USF2: variants seen among roughly 807,000 people sequenced by gnomAD.
USF2 encodes the protein upstream stimulatory factor 2.
In USF2, 16 loss-of-function variants were observed where a neutral mutation model predicts 46.9. That is an observed-to-expected ratio of 0.34 (90% confidence interval 0.23 to 0.52). The LOEUF (loss-of-function observed/expected upper bound fraction) is 0.52. Ranked by LOEUF, USF2 falls within the 20% of genes least tolerant of loss-of-function variation. USF2 has a pLI of 0.96. For synonymous variants in USF2, 239 were observed against 194.1 expected (o/e 1.23, Z -1.92); for missense variants, 411 against 474.0 (o/e 0.87, Z 1.23).
Position 35,269,944 on chromosome 19 carries a change from C to A in USF2, c.370C>A (p.Gln124Lys). ...VTQVGVDGAA[Q>K]RPGPAAASVP... is the part of the protein sequence containing the mutation. ...CCAGGTGGGTGTGGACGGGGCAGCC[C>A]AGCGCCCGGGCCCCGCCGCTGCCTC... is the stretch of plus-strand genomic sequence containing the variant. Residue 124 changes from glutamine (Q) to lysine (K), a missense_variant, in exon 4 of 10, where the codon CAG (glutamine) becomes AAG (lysine). Around this residue, in one of 2 missense-constraint regions of USF2, gnomAD observed 318 missense variants for 322.4 expected, o/e 0.99. Transcript: ENST00000222305. The A allele has an allele frequency of 7.4e-7, 1 of 1,347,122 alleles. No homozygotes were observed. The highest frequency in any genetic ancestry group is 1.9e-5 in the South Asian group (1 of 52,792). The allele number at this position is 1,347,122 out of a possible 1,614,324, so 83.4% of individuals were successfully genotyped here. A position where few individuals can be genotyped will look rare whatever the true frequency, so the allele number is the denominator to read the frequency against.
chr19:35,273,056 A>G (rs995121099), intron 7 of USF2, among the ~76,000 whole-genome samples: 1 of 142,142 alleles, frequency 7.0e-6, no homozygotes, highest in Non-Finnish European at 1.5e-5. Flanking sequence ...CTCCCACCCC[A>G]CTCTCACCCC....
rs2066149188 is a variant in USF2, at chr19:35,271,106, C to G, written c.692C>G (p.Pro231Arg). The G allele has an allele frequency of 4.3e-6, 7 of 1,613,870 alleles. No homozygotes were observed. Among genetic ancestry groups the G allele is most frequent in the African/African-American group, 1.3e-5 (1 of 74,922 alleles). The part of the protein sequence containing the change: ...YSPKIDGTRT[P>R]RDERRRAQHN... ...AGAAAAATTGATGGAACCAGAACAC[C>G]CCGAGATGAGAGGAGAAGAGCCCAG... Residue 231 changes from proline to arginine, a missense_variant, in exon 7 of 10, where the codon CCC becomes CGC. This residue lies in a region of USF2 where 318 missense variants were observed against 322.4 expected (regional missense o/e 0.99). Transcript: ENST00000222305.
At chr19:35,272,760 G>A (rs2066175215) in intron 7 of USF2, among the ~76,000 whole-genome samples, 2 of 152,022 alleles carry the variant, frequency 1.3e-5, no homozygotes, top group Admixed American at 6.5e-5. Flanking sequence ...GGGAAATGTG[G>A]GGAGGACTCC....
chr19:35,277,994 G>GT (rs1216750612), intron 7 of USF2: 1 of 152,226 alleles, frequency 6.6e-6, no homozygotes. Flanking sequence ...ACAAATCTGG[G>GT]TTTTTTAAGT....
At position 35,270,534 on chromosome 19, in the gene USF2, T is replaced by C. The variant is rs1040069298; in HGVS notation, c.517T>C (p.Ser173Pro). ...GGCACGATTTGCCTATTTCCCAGCG[T>C]CCAGTGTGGGAGATACTACGGCTGT... is the stretch of plus-strand genomic sequence containing the variant. ...GEARFAYFPA[S>P]SVGDTTAVSV... is the part of the protein sequence containing the mutation. Residue 173 changes from serine (S) to proline (P), a missense_variant, in exon 5 of 10, where the codon TCC (serine) becomes CCC (proline). Physicochemically the swap from Ser to Pro is moderately conservative, Grantham distance 74. Transcript: ENST00000222305. The C allele has an allele frequency of 5.6e-6, 9 of 1,614,026 alleles. No individual in the cohort carries two copies. In the African/African-American group the frequency reaches 1.2e-4, roughly 22 times the overall value.
At chr19:35,270,976 G>C (rs1490667821) in intron 6 of USF2, 107 bp from the exon 7 acceptor site, 1 of 1,507,256 alleles carries the variant, frequency 6.6e-7, no homozygotes, top group Non-Finnish European at 9.1e-7. Flanking sequence ...TGTTTTTGCA[G>C]ATGGATTTAC....
intron 5 of USF2, 30 bp from the exon 6 acceptor site, chr19:35,270,688 C>T (rs767909683): frequency 3.1e-6 from 5 of 1,613,572 alleles, no homozygotes; most frequent in Admixed American, 1.7e-5. Context: ...TTCACCCTGC[C>T]TTGCCACTAA....
chr19:35,269,977 C>T lies in USF2; in HGVS notation c.403C>T (p.Pro135Ser), dbSNP rs555503800. 4.9e-4 allele frequency: 658 copies of T among 1,344,840 alleles called. No individual in the cohort carries two copies. Among genetic ancestry groups the T allele is most frequent in the Middle Eastern group, 1.9e-3 (7 of 3,634 alleles). The allele number at this position is 1,344,840 out of a possible 1,614,324, so 83.3% of individuals were successfully genotyped here. ...RPGPAAASVP[P>S]GPAAPFPLAV... is the part of the protein sequence containing the mutation. Reference sequence around the variant, plus strand: ...GGGCCCCGCCGCTGCCTCTGTGCCCCCAGGTCCTGCAGCGCCCTTCCCGCT... The same window carrying T: ...GGGCCCCGCCGCTGCCTCTGTGCCCTCAGGTCCTGCAGCGCCCTTCCCGCT... Residue 135 changes from proline to serine, a missense_variant, in exon 4 of 10, where the codon CCA becomes TCA. This residue lies in a region of USF2 where 318 missense variants were observed against 322.4 expected (regional missense o/e 0.99). Transcript: ENST00000222305.
chr19:35,270,027 T>TGG, intron 4 of USF2, 24 bp downstream of exon 4: 1 of 1,281,438 alleles, frequency 7.8e-7, no homozygotes, highest in Non-Finnish European at 9.9e-7. Context: ...CACCCCTGGG[T>TGG]GGGGGGGGGA....
chr19:35,269,479 C>G lies in USF2; in HGVS notation c.96C>G (p.Val32=). The G allele has an allele frequency of 6.4e-7, 1 of 1,551,924 alleles. No homozygotes were observed. The highest frequency in any genetic ancestry group is 8.6e-7 in the Non-Finnish European group (1 of 1,156,460). Residue 32 remains valine, a synonymous_variant, in exon 2 of 10, where the codon GTC becomes GTG. Coordinates refer to ENST00000222305, the MANE Select transcript of USF2 (RefSeq NM_003367.4). ...HDKGPEAEEG[V]ELQEGGDGPG... ...AGGGACCCGAGGCGGAGGAGGGCGT[C>G]GAGCTGCAGGAAGGTGAGTGCTTGC... is the stretch of plus-strand genomic sequence containing the variant.
chr19:35,270,652 G>A, intron 5 of USF2, 55 bp downstream of exon 5: 7 of 1,611,738 alleles, frequency 4.3e-6, no homozygotes, highest in Non-Finnish European at 5.9e-6. Context: ...CCAGCAGGGA[G>A]GGAAGCCCCC....
chr19:35,275,136 T>A (rs2145579382), intron 7 of USF2: 1 of 152,330 alleles, frequency 6.6e-6, no homozygotes, highest in African/African-American at 2.4e-5. Flanking sequence ...AACCTCTGCC[T>A]CCCCGGTTCA....
At chr19:35,274,209 C>T (rs748172439) in intron 7 of USF2, among the ~76,000 whole-genome samples, 5 of 152,196 alleles carry the variant, frequency 3.3e-5, no homozygotes, top group South Asian at 2.1e-4. Flanking sequence ...TGCCATCTCC[C>T]GTCTCCAAAG....
Position 35,269,584 on chromosome 19 carries a change from G to T in USF2, c.113G>T (p.Gly38Val). ...AEEGVELQEGGDGPGAEEQTA... is the reference protein window; with the variant it reads ...AEEGVELQEGVDGPGAEEQTA... ...CCCCGACCCTCCTCGGCCCCAGGCG[G>T]GGACGGCCCAGGAGCGGAGGAGCAG... The change falls in exon 3 of 10, where the codon GGG becomes GTG. Residue 38 changes from glycine (G) to valine (V), a missense_variant. By Grantham distance (109) the Gly-to-Val change is moderately radical. Around this residue, in one of 2 missense-constraint regions of USF2, gnomAD observed 318 missense variants for 322.4 expected, o/e 0.99. Coordinates refer to ENST00000222305, the MANE Select transcript of USF2 (RefSeq NM_003367.4). The T allele has an allele frequency of 6.3e-7, 1 of 1,587,320 alleles. No individual in the cohort carries two copies. Among genetic ancestry groups the T allele is most frequent in the African/African-American group, 1.4e-5 (1 of 73,612 alleles).
chr19:35,278,871 G>A (rs756913835), intron 8 of USF2, 75 bp from the exon 9 acceptor site: 1 of 1,603,214 alleles, frequency 6.2e-7, no homozygotes, highest in South Asian at 1.1e-5. Context: ...CAGCCATGGG[G>A]CTCGGGAGTC....
intron 7 of USF2, among the ~76,000 whole-genome samples, chr19:35,274,064 T>C (rs1244170428): frequency 1.3e-5 from 2 of 152,250 alleles, no homozygotes; most frequent in East Asian, 1.9e-4. Flanking sequence ...CTCCTGGTAA[T>C]GCAAGGAACT....
At chr19:35,272,418 G>A (rs1038032597) in intron 7 of USF2, among the ~76,000 whole-genome samples, 1 of 152,140 alleles carries the variant, frequency 6.6e-6, no homozygotes, top group Non-Finnish European at 1.5e-5. Context: ...GAAGGGGCCT[G>A]TTGAGAACCT....
At chr19:35,271,459 G>T (rs2066155452) in intron 7 of USF2, among the ~76,000 whole-genome samples, 1 of 152,196 alleles carries the variant, frequency 6.6e-6, no homozygotes, top group African/African-American at 2.4e-5. Context: ...AAATGGGGCT[G>T]ACCGGGCTCA....
rs2066141851 is a variant in USF2, at chr19:35,270,771, A to G, written c.634A>G (p.Arg212Gly). Residue 212 changes from arginine (R) to glycine (G), a missense_variant, in exon 6 of 10, where the codon AGG (arginine) becomes GGG (glycine). This residue lies in a region of USF2 where 318 missense variants were observed against 322.4 expected (regional missense o/e 0.99). Coordinates refer to ENST00000222305, the MANE Select transcript of USF2 (RefSeq NM_003367.4). ...PQDVLQTGTQ[R>G]TIAPRTHPYS... The stretch of plus-strand genomic sequence containing the variant: ...GGATGTGCTTCAGACAGGAACACAG[A>G]GGACGATCGCCCCCCGGACACACCC... The G allele has an allele frequency of 6.2e-7, 1 of 1,614,022 alleles. No individual in the cohort carries two copies. The highest frequency in any genetic ancestry group is 8.5e-7 in the Non-Finnish European group (1 of 1,180,026).
Sources: gnomAD v4.1 joint callset for allele counts (sites outside exome capture counted in the v4.1 genomes callset) on GRCh38, gnomAD v4.1.1 for gene constraint, gnomAD v4.1.1 regional missense constraint, MANE v1.5 for transcripts, NCBI Gene and HGNC (gene_info 2026-07-23, HGNC 2026-07-21) for gene names.